The following WNK4 variants were observed in gnomAD, a reference collection of about 807,000 sequenced individuals.
WNK4 encodes serine/threonine-protein kinase WNK4.
In WNK4, 94 loss-of-function variants were observed where a neutral mutation model predicts 116.2. The ratio of observed to expected loss-of-function variants is 0.81; its 90% confidence interval spans 0.68 to 0.96. The LOEUF (loss-of-function observed/expected upper bound fraction) is 0.96. WNK4 is among the 40% of genes least tolerant of loss of function. The pLI is 0.00. For synonymous variants in WNK4, 655 were observed against 672.7 expected (o/e 0.97, Z 0.41); for missense variants, 1,542 against 1,650.6 (o/e 0.93, Z 1.14).
rs1022220702 is a variant in WNK4, at chr17:42,783,890, G to T, written c.792-47G>T. On this transcript the variant is annotated intron_variant, in intron 2 of 18. Coordinates refer to ENST00000246914, the MANE Select transcript of WNK4 (RefSeq NM_032387.5). Reference sequence around the variant, plus strand: ...CTTCCCAGTGGGGGGCTCCTTCCCGGAGGACGTGTCCCCCCACCAGGACTC... The same window carrying T: ...CTTCCCAGTGGGGGGCTCCTTCCCGTAGGACGTGTCCCCCCACCAGGACTC... 4 of 1,561,406 alleles carry T rather than the reference G, an allele frequency of 2.6e-6. No individual in the cohort carries two copies. In the African/African-American group the frequency reaches 5.4e-5, roughly 21 times the overall value.
chr17:42,795,098 T>C lies in WNK4; in HGVS notation c.2677T>C (p.Ser893Pro), dbSNP rs1358289517. The C allele has an allele frequency of 6.2e-7, 1 of 1,613,932 alleles. No individual in the cohort carries two copies. Among genetic ancestry groups the C allele is most frequent in the Non-Finnish European group, 8.5e-7 (1 of 1,180,016 alleles). ...SLPTTSPPTF[S>P]PTCSQVTLSS... ...CCCCACGACTTCTCCACCTACGTTC[T>C]CTCCCACTTGTTCTCAGGTCACTCT... Residue 893 changes from serine (S) to proline (P), a missense_variant, in exon 14 of 19, where the codon TCT (serine) becomes CCT (proline). By Grantham distance (74) the Ser-to-Pro change is moderately conservative. Coordinates refer to ENST00000246914, the MANE Select transcript of WNK4 (RefSeq NM_032387.5).
At chr17:42,789,321 G>A (rs1056048052) in intron 11 of WNK4, among the ~76,000 whole-genome samples, 1 of 152,116 alleles carries the variant, frequency 6.6e-6, no homozygotes, top group African/African-American at 2.4e-5. Flanking sequence ...AGTGAAGCCG[G>A]GTAGGTAGAG....
rs769725650 is a variant in WNK4, at chr17:42,785,410, A to C, written c.1404A>C (p.Pro468=). 5.1e-6 allele frequency: 8 copies of C among 1,571,074 alleles called. 1 individual carries two copies. The highest frequency in any genetic ancestry group is 1.4e-5 in the African/African-American group (1 of 74,010). ...RMEDARRGGR[P]RDNQAIEFLF... ...AGGACGCGCGGCGCGGGGGGCGCCC[A>C]CGGGACAACCAGGCCATCGAGTTCC... Residue 468 remains proline, a synonymous_variant, in exon 6 of 19, where the codon CCA becomes CCC. Transcript: ENST00000246914.
At chr17:42,783,332 G>A (rs1198552588) in intron 2 of WNK4, among the ~76,000 whole-genome samples, 3 of 152,130 alleles carry the variant, frequency 2.0e-5, no homozygotes, top group Admixed American at 2.0e-4. Flanking sequence ...GCAGCCTGGA[G>A]AATCTTTCCC....
chr17:42,784,980 C>A lies in WNK4; in HGVS notation c.1171-117C>A. 9.9e-7 allele frequency: 1 copy of A among 1,009,698 alleles called. No individual in the cohort carries two copies. The highest frequency in any genetic ancestry group is 1.5e-6 in the Non-Finnish European group (1 of 665,730). 62.5% of individuals were successfully genotyped at this position (1,009,698 alleles called of 1,614,324 possible). On this transcript the variant is annotated intron_variant, in intron 4 of 18. Transcript: ENST00000246914. This position sits in a 1 kb window ranked among gnomAD's most constrained non-coding sequence, Gnocchi z 4.4. ...ATCACATCTTCCAGTAGCAGTCAGGCTTTTGCAACTGCACGCGCAGCTGCC... is the reference window on the plus strand; with the variant it reads ...ATCACATCTTCCAGTAGCAGTCAGGATTTTGCAACTGCACGCGCAGCTGCC...
rs576059479 is a variant in WNK4 at position 42,793,661 on chromosome 17, C to T, written c.2227C>T (p.Arg743Ter). Residue 743 changes from arginine (R) to a stop codon, truncating the protein, a stop_gained, in exon 12 of 19, where the codon CGA becomes TGA. Coordinates refer to ENST00000246914, the MANE Select transcript of WNK4 (RefSeq NM_032387.5). LOFTEE classifies it high-confidence loss of function. ...CAGACGGATTCGGGAGATTATCCAGCGAGTGGAGACCCTGTTGAAGAGAGA... is the reference window on the plus strand; with the variant it reads ...CAGACGGATTCGGGAGATTATCCAGTGAGTGGAGACCCTGTTGAAGAGAGA... ...FLRRIREIIQ[R>*]VETLLKRDTG... is the part of the protein sequence containing the mutation. 13 of 1,613,924 alleles carry T rather than the reference C, an allele frequency of 8.1e-6. No homozygotes were observed. The highest frequency in any genetic ancestry group is 1.1e-5 in the Non-Finnish European group (13 of 1,179,990).
chr17:42,789,107 A>G (rs2054583242), intron 11 of WNK4, among the ~76,000 whole-genome samples: 1 of 152,152 alleles, frequency 6.6e-6, no homozygotes, highest in Non-Finnish European at 1.5e-5. Flanking sequence ...ACTGGGCAGC[A>G]GGGGCAATGA....
chr17:42,796,510 A>G lies in WNK4; in HGVS notation c.3661A>G (p.Ser1221Gly), dbSNP rs201075094. Residue 1221 changes from serine (S) to glycine (G), a missense_variant, in exon 18 of 19, where the codon AGC becomes GGC. Coordinates refer to ENST00000246914, the MANE Select transcript of WNK4 (RefSeq NM_032387.5). ...CATGCGAAGGAACTCTCTGAGTGGC[A>G]GCAGCACCGGCTCCCAGGAGCAGCG... ...GIMRRNSLSG[S>G]STGSQEQRAS... The G allele has an allele frequency of 1.2e-6, 2 of 1,613,950 alleles. No individual in the cohort carries two copies. The highest frequency in any genetic ancestry group is 1.7e-5 in the Admixed American group (1 of 60,016).
intron 11 of WNK4, among the ~76,000 whole-genome samples, chr17:42,792,227 T>A (rs2054614225): frequency 1.3e-5 from 2 of 152,226 alleles, no homozygotes; most frequent in South Asian, 4.1e-4. Context: ...CACAGTGTAA[T>A]GTAGAAGTGT....
intron 8 of WNK4, 87 bp from the exon 9 acceptor site, chr17:42,788,043 T>C (rs2054570258): frequency 1.3e-6 from 2 of 1,586,734 alleles, no homozygotes; most frequent in African/African-American, 2.7e-5. Context: ...TCCATCTCCC[T>C]AATATCCTCC....
chr17:42,790,429 G>C (rs1406062790), intron 11 of WNK4, among the ~76,000 whole-genome samples: 2 of 152,118 alleles, frequency 1.3e-5, no homozygotes, highest in Non-Finnish European at 2.9e-5. Context: ...TGATGAGCTT[G>C]AGTGAAGAAG....
rs781313182 is a variant in WNK4 at position 42,782,717 on chromosome 17, G to A, written c.619-41G>A. 2 of 1,612,392 alleles carry A rather than the reference G, an allele frequency of 1.2e-6. No homozygotes were observed. The highest frequency in any genetic ancestry group is 1.7e-6 in the Non-Finnish European group (2 of 1,179,520). On this transcript the variant is annotated intron_variant, in intron 1 of 18. Transcript: ENST00000246914. The surrounding 1 kb of genome is among the most constrained non-coding windows in gnomAD (Gnocchi z 4.2). The stretch of plus-strand genomic sequence containing the variant: ...CAGGTGTCCCTCTTCCTTTCTGTGG[G>A]TGTCCTGGGCCTGACATGACACCCG...
chr17:42,783,861 G>C (rs1309551062), intron 2 of WNK4, 76 bp from the exon 3 acceptor site: 1 of 1,415,068 alleles, frequency 7.1e-7, no homozygotes, highest in East Asian at 2.5e-5. Flanking sequence ...GCGGCAGGGG[G>C]GAACTTCCCA....
rs748163295 is a variant in WNK4, at chr17:42,787,786, G to A, written c.1750G>A (p.Glu584Lys). ...TCTCCCTCCCCAACCAGCGGATTGC[G>A]AGACTGATGGCTACCTCAGCTCCTC... ...ASYSSTTSDC[E>K]TDGYLSSSGF... The change falls in exon 8 of 19, where the codon GAG (glutamate) becomes AAG (lysine). Residue 584 changes from glutamate (E) to lysine (K), a missense_variant. Transcript: ENST00000246914. 18 of 1,611,966 alleles carry A rather than the reference G, an allele frequency of 1.1e-5. No individual in the cohort carries two copies. Among genetic ancestry groups the A allele is most frequent in the Middle Eastern group, 1.6e-4 (1 of 6,084 alleles).
At chr17:42,794,465 C>T (rs1280962832) in intron 12 of WNK4, 149 bp from the exon 13 acceptor site, 2 of 828,310 alleles carry the variant, frequency 2.4e-6, no homozygotes, top group East Asian at 2.7e-5. Flanking sequence ...TACCTCTATA[C>T]ATTTCAGCAC....
Position 42,796,779 on chromosome 17 carries a change from T to C in WNK4, c.*91T>C. ...TCTGATGCTTTCTGATCAACAAAAC[T>C]GAGCAAGGAAGATCCCAACACTGAA... On this transcript the variant is annotated 3_prime_UTR_variant, in exon 19 of 19. Coordinates refer to ENST00000246914, the MANE Select transcript of WNK4 (RefSeq NM_032387.5). 1.9e-6 allele frequency: 3 copies of C among 1,613,930 alleles called. No homozygotes were observed. Among genetic ancestry groups the C allele is most frequent in the Non-Finnish European group, 2.5e-6 (3 of 1,179,920 alleles).
At chr17:42,787,749 T>C in intron 7 of WNK4, 29 bp from the exon 8 acceptor site, 1 of 1,608,358 alleles carries the variant, frequency 6.2e-7, no homozygotes, top group Non-Finnish European at 8.5e-7. Flanking sequence ...TTATTTCCCC[T>C]TTTTTTGATC....
At position 42,784,291 on chromosome 17, in the gene WNK4, A is replaced by G. The variant is rs2054517345; in HGVS notation, c.1013-131A>G. 2.0e-6 allele frequency: 3 copies of G among 1,536,144 alleles called. No homozygotes were observed. Among genetic ancestry groups the G allele is most frequent in the Non-Finnish European group, 2.7e-6 (3 of 1,121,100 alleles). ...GACGACAGGGAAGCTGAGGAGACCT[A>G]TGGCACCCACCTCAACCCCACTGTG... is the stretch of plus-strand genomic sequence containing the variant. On this transcript the variant is annotated intron_variant, in intron 3 of 18. Transcript: ENST00000246914. This position sits in a 1 kb window ranked among gnomAD's most constrained non-coding sequence, Gnocchi z 4.4.
Position 42,784,611 on chromosome 17 carries a change from T to C in WNK4, c.1170+32T>C. 1 of 1,613,316 alleles carries C rather than the reference T, an allele frequency of 6.2e-7. No individual in the cohort carries two copies. Among genetic ancestry groups the C allele is most frequent in the Non-Finnish European group, 8.5e-7 (1 of 1,179,812 alleles). ...GGGATGGGGCTGGCGGGAAAGGCAATTCCAGGGCCACTTCCCCTTTTCCTG... is the reference window on the plus strand; with the variant it reads ...GGGATGGGGCTGGCGGGAAAGGCAACTCCAGGGCCACTTCCCCTTTTCCTG... On this transcript the variant is annotated intron_variant, in intron 4 of 18. Coordinates refer to ENST00000246914, the MANE Select transcript of WNK4 (RefSeq NM_032387.5). The surrounding 1 kb of genome is among the most constrained non-coding windows in gnomAD (Gnocchi z 4.4).
Sources: allele counts gnomAD v4.1 joint callset (sites outside exome capture counted in the v4.1 genomes callset), GRCh38; gene constraint gnomAD v4.1.1; non-coding constraint Gnocchi (gnomAD v3.1); transcripts MANE v1.5; gene names NCBI Gene and HGNC (gene_info 2026-07-23, HGNC 2026-07-21).